Variants in PTPRB observed in about 807,000 individuals in gnomAD.
PTPRB encodes the protein protein tyrosine phosphatase receptor type B.
PTPRB carries 97 observed loss-of-function variants against 238.1 expected under a neutral mutation model. That is an observed-to-expected ratio of 0.41 (90% CI 0.35 to 0.48). The LOEUF is 0.48. Among genes scored for constraint, PTPRB ranks in the 20% least tolerant of loss-of-function variants. The pLI is 0.30. For synonymous variants in PTPRB, 970 were observed against 995.4 expected (o/e 0.97, Z 0.48); for missense variants, 2,292 against 2,681.9 (o/e 0.85, Z 3.21).
intron 15 of PTPRB, among the ~76,000 whole-genome samples, chr12:70,564,367 C>T (rs1028983520): frequency 3.3e-5 from 5 of 151,706 alleles, no homozygotes; most frequent in African/African-American, 1.2e-4. Context: ...TAAAAATTAG[C>T]CGGGTGTAGT....
Position 70,580,988 on chromosome 12 carries a change from T to C in PTPRB, c.2578+48A>G, listed in dbSNP as rs1234862320. 31 of 1,569,512 alleles carry C rather than the reference T, an allele frequency of 2.0e-5. No homozygotes were observed. The Admixed American group carries it at 5.2e-4, about 26-fold the overall frequency. Reference sequence around the variant, plus strand: ...TATAATATTCTGATTAGGGGTCTCATGTACTCAGATCTTAGTTAAGTCACA... The same window carrying C: ...TATAATATTCTGATTAGGGGTCTCACGTACTCAGATCTTAGTTAAGTCACA... On this transcript the variant is annotated intron_variant, in intron 10 of 33. Transcript: ENST00000334414.
intron 9 of PTPRB, among the ~76,000 whole-genome samples, chr12:70,586,427 A>G (rs1881921068): frequency 6.6e-6 from 1 of 152,190 alleles, no homozygotes; most frequent in Non-Finnish European, 1.5e-5. Context: ...TTTCCTTTAT[A>G]AATTACCCAG....
At chr12:70,597,957 TTA>T (rs1215837691) in intron 4 of PTPRB, among the ~76,000 whole-genome samples, 1 of 152,206 alleles carries the variant, frequency 6.6e-6, no homozygotes, top group Non-Finnish European at 1.5e-5. Flanking sequence ...TATTGCAAAA[TTA>T]TATATGCCAC....
chr12:70,608,754 A>G (rs1884171171), intron 4 of PTPRB: 2 of 298,306 alleles, frequency 6.7e-6, no homozygotes, highest in Admixed American at 9.3e-5. Context: ...ATTTAATGCA[A>G]TGGAAGCGTA....
chr12:70,577,096 T>C (rs1880869555), intron 10 of PTPRB, among the ~76,000 whole-genome samples: 1 of 152,224 alleles, frequency 6.6e-6, no homozygotes, highest in Non-Finnish European at 1.5e-5. Context: ...ATAGCTTTTC[T>C]AAAGACCTTA....
chr12:70,572,775 T>TAAAAAAAAAAAAAAAAAAA (rs10709963), intron 11 of PTPRB, among the ~76,000 whole-genome samples: 10 of 93,932 alleles, frequency 1.1e-4, no homozygotes, highest in Non-Finnish European at 2.1e-4. Flanking sequence ...CTCCATCTCA[T>TAAAAAAAAAAAAAAAAAAA]AAAAAAAAAA....
chr12:70,594,506 C>G lies in PTPRB; in HGVS notation c.1477G>C (p.Ala493Pro). ...TTCCACCTGTAGTTTTGCAGCCCTG[C>G]AGCCTCAGTCATAACAGTGAGGTTG... ...LYNLTVMTEAAGLQNYRWKLV... is the reference protein window; with the variant it reads ...LYNLTVMTEAPGLQNYRWKLV... Residue 493 changes from alanine (A) to proline (P), a missense_variant, in exon 6 of 34, where the codon GCA (alanine) becomes CCA (proline). Coordinates refer to ENST00000334414, the MANE Select transcript of PTPRB (RefSeq NM_001109754.4). The G allele has an allele frequency of 6.2e-7, 1 of 1,613,998 alleles. No individual in the cohort carries two copies. The highest frequency in any genetic ancestry group is 8.5e-7 in the Non-Finnish European group (1 of 1,179,878).
chr12:70,620,135 C>A (rs897187704), intron 3 of PTPRB, among the ~76,000 whole-genome samples: 1 of 152,206 alleles, frequency 6.6e-6, no homozygotes, highest in African/African-American at 2.4e-5. Context: ...AAAACTGGAA[C>A]ATGACAGTTG....
chr12:70,602,888 G>A (rs1371947846), intron 4 of PTPRB, among the ~76,000 whole-genome samples: 2 of 151,946 alleles, frequency 1.3e-5, no homozygotes, highest in Non-Finnish European at 2.9e-5. Flanking sequence ...TATGTTTAGG[G>A]GTATATGCAT....
chr12:70,618,785 G>A (rs1055158438), intron 3 of PTPRB, among the ~76,000 whole-genome samples: 1 of 152,206 alleles, frequency 6.6e-6, no homozygotes, highest in Non-Finnish European at 1.5e-5. Context: ...AACAATGGCA[G>A]CTAAAATTAA....
rs1871397924 is a variant in PTPRB at position 70,518,939 on chromosome 12, T to C, written c.*2550A>G. 6.6e-6 allele frequency: 1 copy of C among 151,628 alleles called. No individual in the cohort carries two copies. The highest frequency in any genetic ancestry group is 2.4e-5 in the African/African-American group (1 of 41,268). 9.4% of individuals were successfully genotyped at this position (151,628 alleles called of 1,614,324 possible). On this transcript the variant is annotated 3_prime_UTR_variant, in exon 34 of 34. Transcript: ENST00000334414. ...GGAGTGTTTACCAAGACATAACACA[T>C]GATGCAATTAAATGGAAATAAATCC...
At chr12:70,615,920 G>T (rs1884658285) in intron 3 of PTPRB, among the ~76,000 whole-genome samples, 1 of 152,154 alleles carries the variant, frequency 6.6e-6, no homozygotes, top group Non-Finnish European at 1.5e-5. Flanking sequence ...TGAATTAAGT[G>T]TGCAATCTCA....
chr12:70,595,273 G>T (rs748206421), intron 5 of PTPRB, among the ~76,000 whole-genome samples: 1 of 151,924 alleles, frequency 6.6e-6, no homozygotes, highest in African/African-American at 2.4e-5. Flanking sequence ...ACAGGGAGGG[G>T]AACATCACAC....
At position 70,635,914 on chromosome 12, in the gene PTPRB, C is replaced by A. The variant is rs1327525505; in HGVS notation, c.208G>T (p.Ala70Ser). The A allele has an allele frequency of 1.2e-6, 2 of 1,613,610 alleles. No homozygotes were observed. The highest frequency in any genetic ancestry group is 1.1e-5 in the South Asian group (1 of 91,044). The change falls in exon 2 of 34, where the codon GCC becomes TCC. Residue 70 changes from alanine (A) to serine (S), a missense_variant. Ala to Ser is a moderately conservative substitution (Grantham distance 99, BLOSUM62 1). Transcript: ENST00000334414. The stretch of plus-strand genomic sequence containing the variant: ...GGGCCGCGGGAAGAGTTGGAGATGG[C>A]CAAGCACAGTGCAGATTTAACATGA... ...LLHVKSALCL[A>S]ISNSSRGPSR...
chr12:70,596,430 G>T (rs1386577806), intron 4 of PTPRB, 103 bp from the exon 5 acceptor site: 49 of 1,156,910 alleles, frequency 4.2e-5, no homozygotes, highest in Non-Finnish European at 5.2e-5. Context: ...TTATTTTACT[G>T]CAGTCCAGGT....
intron 33 of PTPRB, 34 bp from the exon 34 acceptor site, chr12:70,521,545 G>T (rs752943656): frequency 2.0e-6 from 3 of 1,510,180 alleles, no homozygotes; most frequent in Non-Finnish European, 2.7e-6. Context: ...AGAGACTGCC[G>T]CAGGGTGTGT....
rs1030582136 is a variant in PTPRB at position 70,555,749 on chromosome 12, A to T, written c.4993+121T>A. On this transcript the variant is annotated intron_variant, in intron 19 of 33. Coordinates refer to ENST00000334414, the MANE Select transcript of PTPRB (RefSeq NM_001109754.4). ...CCTCCTCTCCAGGTGGCAATCAGAC[A>T]GGCTTATGCAAAAGTGAAGTGTATG... 3 of 1,272,702 alleles carry T rather than the reference A, an allele frequency of 2.4e-6. No individual in the cohort carries two copies. The African/African-American group carries it at 4.5e-5, about 19-fold the overall frequency. 78.8% of individuals were successfully genotyped at this position (1,272,702 alleles called of 1,614,324 possible). A position where few individuals can be genotyped will look rare whatever the true frequency, so the allele number is the denominator to read the frequency against.
At chr12:70,527,297 A>G (rs1872578581) in intron 32 of PTPRB, among the ~76,000 whole-genome samples, 2 of 152,230 alleles carry the variant, frequency 1.3e-5, no homozygotes, top group Non-Finnish European at 2.9e-5. Flanking sequence ...AGGGAAGGAA[A>G]CTATCAAGCT....
intron 11 of PTPRB, among the ~76,000 whole-genome samples, chr12:70,575,837 A>T (rs902919832): frequency 6.6e-6 from 1 of 152,238 alleles, no homozygotes; most frequent in African/African-American, 2.4e-5. Flanking sequence ...CTAGTCCCAG[A>T]ACCATAAAGG....
Sources: gnomAD v4.1 joint callset for allele counts (sites outside exome capture counted in the v4.1 genomes callset) on GRCh38, gnomAD v4.1.1 for gene constraint, MANE v1.5 for transcripts, NCBI Gene and HGNC (gene_info 2026-07-23, HGNC 2026-07-21) for gene names.